The following FRMD4A variants were observed in gnomAD, a reference collection of about 807,000 sequenced individuals.
FRMD4A encodes the protein FERM domain containing 4A.
FRMD4A carries 29 observed loss-of-function variants against 129.1 expected under a neutral mutation model. That is an observed-to-expected ratio of 0.22 (90% CI 0.17 to 0.31). The LOEUF is 0.31. Among genes scored for constraint, FRMD4A ranks in the 10% least tolerant of loss-of-function variants. The pLI, the probability that FRMD4A is intolerant of heterozygous loss-of-function variation, is 1.00. For missense variants in FRMD4A, 1,272 were observed against 1,375.8 expected (o/e 0.92, Z 1.19); for synonymous variants, 634 against 571.6 (o/e 1.11, Z -1.56).
intron 2 of FRMD4A, among the ~76,000 whole-genome samples, chr10:14,072,265 C>A (rs1835352442): frequency 6.6e-6 from 1 of 152,050 alleles, no homozygotes; most frequent in African/African-American, 2.4e-5. Flanking sequence ...AGTTCAGGCA[C>A]AAATGGGGCC....
At chr10:14,265,296 A>G (rs980248918) in intron 2 of FRMD4A, among the ~76,000 whole-genome samples, 4 of 152,104 alleles carry the variant, frequency 2.6e-5, no homozygotes, top group African/African-American at 9.7e-5. Flanking sequence ...CTTTCCTTCA[A>G]TGCCCTCAGT....
chr10:13,673,981 T>A (rs10796112), intron 16 of FRMD4A, among the ~76,000 whole-genome samples: 1 of 151,704 alleles, frequency 6.6e-6, no homozygotes, highest in African/African-American at 2.4e-5. Context: ...TTGCTCAGGC[T>A]AGTCTCCAAC....
intron 2 of FRMD4A, among the ~76,000 whole-genome samples, chr10:13,982,504 G>A (rs1422220189): frequency 1.4e-5 from 2 of 142,168 alleles, no homozygotes; most frequent in Non-Finnish European, 3.1e-5. Context: ...GGGAGGGGGG[G>A]GAAGGGATCC....
rs1281424243 is a variant in FRMD4A, at chr10:13,734,580, C to T, written c.759+3264G>A. Among the ~76,000 whole-genome samples the T allele has an allele frequency of 3.3e-5, 5 of 152,308 alleles. No homozygotes were observed. In the East Asian group the frequency reaches 9.6e-4, roughly 29 times the overall value. On this transcript the variant is annotated intron_variant, in intron 12 of 24. Transcript: ENST00000357447. ...CTGCATGCCTCCCCGCCCCATTCCT[C>T]CGTCTGCAAAATTCTTTGCACCCTT...
chr10:13,800,773 ATTCTTC>A (rs1228722548), intron 4 of FRMD4A, among the ~76,000 whole-genome samples: 3 of 152,190 alleles, frequency 2.0e-5, no homozygotes, highest in Non-Finnish European at 4.4e-5. Context: ...CGCACTGCCA[ATTCTTC>A]TTCATCCACA....
intron 2 of FRMD4A, among the ~76,000 whole-genome samples, chr10:14,056,070 C>T (rs979785970): frequency 6.6e-6 from 1 of 152,138 alleles, no homozygotes; most frequent in African/African-American, 2.4e-5. Context: ...CTCACTCTGT[C>T]GCCCAGGCTG....
At chr10:13,765,374 C>G (rs2092251590) in intron 6 of FRMD4A, among the ~76,000 whole-genome samples, 1 of 152,086 alleles carries the variant, frequency 6.6e-6, no homozygotes, top group Non-Finnish European at 1.5e-5. Context: ...ACCTCGGCCT[C>G]CCAAAGTACT....
At chr10:14,151,692 G>C (rs1227335973) in intron 2 of FRMD4A, among the ~76,000 whole-genome samples, 1 of 152,108 alleles carries the variant, frequency 6.6e-6, no homozygotes, top group African/African-American at 2.4e-5. Context: ...TCTGCGATGA[G>C]AGCAGCCCTT....
chr10:13,873,895 T>C (rs1262223908), intron 2 of FRMD4A, among the ~76,000 whole-genome samples: 1 of 151,820 alleles, frequency 6.6e-6, no homozygotes, highest in Non-Finnish European at 1.5e-5. Flanking sequence ...TAAAAGAACC[T>C]TTAAAGATAT....
At chr10:13,939,168 G>A (rs571346088) in intron 2 of FRMD4A, among the ~76,000 whole-genome samples, 42 of 152,228 alleles carry the variant, frequency 2.8e-4, no homozygotes, top group Non-Finnish European at 2.8e-4. Context: ...AGTACCAACC[G>A]TATGGTTCAC....
chr10:13,726,092 T>C (rs899394844), intron 12 of FRMD4A, among the ~76,000 whole-genome samples: 2 of 152,162 alleles, frequency 1.3e-5, no homozygotes, highest in Non-Finnish European at 2.9e-5. Flanking sequence ...CTGGGCAACA[T>C]GGCAAAACCC....
rs773914910 is a variant in FRMD4A at position 13,659,289 on chromosome 10, G to T, written c.2066+34C>A. The T allele has an allele frequency of 8.9e-5, 142 of 1,596,890 alleles. 1 individual carries two copies. In the East Asian group the frequency reaches 2.9e-3, roughly 33 times the overall value. On this transcript the variant is annotated intron_variant, in intron 21 of 24. Transcript: ENST00000357447. ...ACAATGCCCAATTTTAAAAAGGAAG[G>T]CTTGGTCTGAGCAGGAAGGCCAGGC... is the stretch of plus-strand genomic sequence containing the variant.
intron 2 of FRMD4A, among the ~76,000 whole-genome samples, chr10:13,968,292 CGCAAACT>C (rs1240494906): frequency 6.6e-6 from 1 of 152,074 alleles, no homozygotes; most frequent in African/African-American, 2.4e-5. Context: ...ATGAAGACAC[CGCAAACT>C]ACAAAAAAGT....
intron 3 of FRMD4A, among the ~76,000 whole-genome samples, chr10:13,825,584 C>T (rs2093689975): frequency 6.6e-6 from 1 of 152,142 alleles, no homozygotes; most frequent in East Asian, 1.9e-4. Context: ...CCACCCTGGT[C>T]CATGGAAAAA....
intron 2 of FRMD4A, among the ~76,000 whole-genome samples, chr10:14,150,804 C>T (rs1840302660): frequency 6.6e-6 from 1 of 152,194 alleles, no homozygotes. Context: ...CCGCTCCTCT[C>T]CCAATGAGCA....
intron 2 of FRMD4A, among the ~76,000 whole-genome samples, chr10:14,045,106 T>G (rs967228832): frequency 6.6e-6 from 1 of 152,188 alleles, no homozygotes; most frequent in African/African-American, 2.4e-5. Flanking sequence ...CCTATCTATG[T>G]TGCCCTGGCT....
At chr10:14,296,281 C>G (rs1053341756) in intron 2 of FRMD4A, among the ~76,000 whole-genome samples, 1 of 152,218 alleles carries the variant, frequency 6.6e-6, no homozygotes, top group South Asian at 2.1e-4. Context: ...AAGCCCCAGG[C>G]CAGGGCTCCA....
chr10:13,660,720 TCAAGA>T (rs2082574764), intron 19 of FRMD4A, among the ~76,000 whole-genome samples, 167 bp from the exon 20 acceptor site: 1 of 152,038 alleles, frequency 6.6e-6, no homozygotes, highest in African/African-American at 2.4e-5. Context: ...CCAAGACAAG[TCAAGA>T]CGAGTCAAAC....
intron 2 of FRMD4A, among the ~76,000 whole-genome samples, chr10:14,214,734 A>C (rs1843022891): frequency 6.6e-6 from 1 of 152,240 alleles, no homozygotes; most frequent in Non-Finnish European, 1.5e-5. Context: ...TGTGCCTAGA[A>C]GTCTACCATC....
Sources: allele counts gnomAD v4.1 joint callset (sites outside exome capture counted in the v4.1 genomes callset), GRCh38; gene constraint gnomAD v4.1.1; transcripts MANE v1.5; gene names NCBI Gene and HGNC (gene_info 2026-07-23, HGNC 2026-07-21).